The following NEDD9 variants were observed in gnomAD, a reference collection of about 807,000 sequenced individuals.
NEDD9 encodes the protein neural precursor cell expressed, developmentally down-regulated 9.
In NEDD9, 26 loss-of-function variants were observed where a neutral mutation model predicts 76.6. The observed-to-expected ratio is 0.34, with a 90% CI of 0.25 to 0.47. NEDD9 has a LOEUF of 0.47. Ranked by LOEUF, NEDD9 falls within the 20% of genes least tolerant of loss-of-function variation. The pLI, the probability that NEDD9 is intolerant of heterozygous loss-of-function variation, is 1.00. For missense variants in NEDD9, 937 were observed against 1,058.5 expected, an observed-to-expected ratio of 0.89 and a Z score of 1.59; for synonymous variants, 392 against 414.2, an observed-to-expected ratio of 0.95 and a Z score of 0.65.
intron 1 of NEDD9, among the ~76,000 whole-genome samples, chr6:11,361,885 T>G (rs1762686550): frequency 2.0e-5 from 3 of 152,116 alleles, no homozygotes; most frequent in African/African-American, 7.2e-5. Flanking sequence ...AGGTGGTATG[T>G]GAGCTGAGCC....
At chr6:11,233,144 T>TCG, upstream of NEDD9, 1 of 363,714 alleles carries the variant, frequency 2.7e-6, no homozygotes, top group Non-Finnish European at 5.6e-6. Context: ...TGCTGATACC[T>TCG]CTCTCTCTCT....
In NEDD9 at chr6:11,213,618, T is replaced by C. The variant is rs1450975748; in HGVS notation, c.122A>G (p.Glu41Gly). 6.2e-7 allele frequency: 1 copy of C among 1,614,162 alleles called. No individual in the cohort carries two copies. Among genetic ancestry groups the C allele is most frequent in the Non-Finnish European group, 8.5e-7 (1 of 1,180,026 alleles). Reference sequence around the variant, plus strand: ...GTGTAATGAGCACAGCCACCATCCTTCCAGTCCCCCTGTGTTCTGCTCTAT... The same window carrying C: ...GTGTAATGAGCACAGCCACCATCCTCCCAGTCCCCCTGTGTTCTGCTCTAT... ...TVIEQNTGGL[E>G]GWWLCSLHGR... Residue 41 changes from glutamate to glycine, a missense_variant, in exon 2 of 7, where the codon GAA becomes GGA. Transcript: ENST00000379446. This position sits in a 1 kb window ranked among gnomAD's most constrained non-coding sequence, Gnocchi z 5.4.
chr6:11,377,457 T>C (rs1308924060), intron 1 of NEDD9, among the ~76,000 whole-genome samples: 1 of 152,174 alleles, frequency 6.6e-6, no homozygotes, highest in Non-Finnish European at 1.5e-5. Flanking sequence ...TCAAAGGAGA[T>C]TGTATTTTGG....
At chr6:11,339,452 T>C (rs1295979239) in intron 1 of NEDD9, among the ~76,000 whole-genome samples, 3 of 152,182 alleles carry the variant, frequency 2.0e-5, no homozygotes, top group Non-Finnish European at 4.4e-5. Flanking sequence ...TTTTTCTACT[T>C]GAGGTAGTTA....
At chr6:11,358,227 C>T (rs1311564452) in intron 1 of NEDD9, among the ~76,000 whole-genome samples, 9 of 126,380 alleles carry the variant, frequency 7.1e-5, no homozygotes, top group African/African-American at 2.5e-4. Context: ...CCCAGCCTGG[C>T]GACAGAGCAA....
chr6:11,259,396 C>G (rs1385416692), intron 3 of NEDD9, among the ~76,000 whole-genome samples: 2 of 152,158 alleles, frequency 1.3e-5, no homozygotes, highest in Non-Finnish European at 2.9e-5. Flanking sequence ...TGGATTGTAT[C>G]CTTGGAAACA....
At chr6:11,200,531 A>G in intron 2 of NEDD9, 1 of 1,093,010 alleles carries the variant, frequency 9.1e-7, no homozygotes, top group South Asian at 2.5e-5. Flanking sequence ...TGTGATAAGA[A>G]TGTTATGTAT....
At chr6:11,232,343 G>C (rs1759497420) in intron 1 of NEDD9, among the ~76,000 whole-genome samples, 161 bp downstream of exon 1, 1 of 146,504 alleles carries the variant, frequency 6.8e-6, no homozygotes, top group Non-Finnish European at 1.5e-5. Flanking sequence ...CCGGGTCTCT[G>C]CTTGCTTGTC....
At chr6:11,292,478 C>T (rs1760800024) in intron 3 of NEDD9, among the ~76,000 whole-genome samples, 1 of 152,204 alleles carries the variant, frequency 6.6e-6, no homozygotes, top group Non-Finnish European at 1.5e-5. Flanking sequence ...AGTTAAACCT[C>T]CATCCAGACA....
intron 2 of NEDD9, among the ~76,000 whole-genome samples, chr6:11,326,400 C>G (rs540974588): frequency 2.1e-4 from 32 of 152,250 alleles, no homozygotes; most frequent in African/African-American, 6.7e-4. Flanking sequence ...TACTGATCTA[C>G]CAATTAAACA....
chr6:11,311,163 A>G (rs6457276), intron 2 of NEDD9, among the ~76,000 whole-genome samples: 119,265 of 152,096 alleles, frequency 0.78, 47,450 homozygotes, highest in African/African-American at 0.93. Context: ...GGGCAGGAGG[A>G]TTGAATTGTG....
intron 1 of NEDD9, among the ~76,000 whole-genome samples, chr6:11,377,906 A>G (rs1191497394): frequency 2.0e-5 from 3 of 152,082 alleles, no homozygotes; most frequent in Admixed American, 6.6e-5. Flanking sequence ...AACACCATCT[A>G]TCTGGTGATG....
At chr6:11,360,557 T>A (rs1000624484) in intron 1 of NEDD9, among the ~76,000 whole-genome samples, 2 of 70,810 alleles carry the variant, frequency 2.8e-5, no homozygotes, top group African/African-American at 7.2e-5. Flanking sequence ...TGAGTTCTCA[T>A]GAGATCTGGT....
At chr6:11,338,322 G>C (rs1762205406) in intron 1 of NEDD9, among the ~76,000 whole-genome samples, 1 of 152,142 alleles carries the variant, frequency 6.6e-6, no homozygotes, top group African/African-American at 2.4e-5. Context: ...AGTTAGGAGA[G>C]AGCCACAGGT....
Position 11,252,671 on chromosome 6 carries a change from A to T in NEDD9, c.13-38944T>A, listed in dbSNP as rs9295841. ...AAGCAAAGCATTATTATCCTAATCA[A>T]AGTTGAAAATGACAAATAGAGGACA... On this transcript the variant is annotated intron_variant, in intron 3 of 3. Coordinates refer to the NEDD9 transcript ENST00000397378. This position sits in a 1 kb window ranked among gnomAD's most constrained non-coding sequence, Gnocchi z 4.3. 0.05 allele frequency among the ~76,000 whole-genome samples: 7,648 copies of T among 152,254 alleles called. 290 individuals are homozygous for T. Among genetic ancestry groups the T allele is most frequent in the African/African-American group, 0.1 (4,300 of 41,538 alleles).
intron 1 of NEDD9, among the ~76,000 whole-genome samples, chr6:11,231,868 C>T (rs1387809100): frequency 1.3e-5 from 2 of 152,158 alleles, no homozygotes; most frequent in African/African-American, 2.4e-5. Flanking sequence ...CCTGAGCCTT[C>T]GCACTCTCAC....
At chr6:11,209,044 C>T (rs1042814330) in intron 2 of NEDD9, among the ~76,000 whole-genome samples, 3 of 152,228 alleles carry the variant, frequency 2.0e-5, no homozygotes, top group South Asian at 2.1e-4. Flanking sequence ...AACCATGATG[C>T]ATATTTAGAA....
chr6:11,208,402 T>C (rs1308840142), intron 2 of NEDD9, among the ~76,000 whole-genome samples: 1 of 152,204 alleles, frequency 6.6e-6, no homozygotes, highest in Admixed American at 6.5e-5. Context: ...GGGAAATGAC[T>C]GTATATAATC....
chr6:11,268,841 T>A (rs927818853), intron 3 of NEDD9, among the ~76,000 whole-genome samples: 1 of 152,144 alleles, frequency 6.6e-6, no homozygotes, highest in Non-Finnish European at 1.5e-5. Context: ...AACTATATCA[T>A]ATCCTAGGTT....
Sources: gnomAD v4.1 joint callset for allele counts (sites outside exome capture counted in the v4.1 genomes callset) on GRCh38, gnomAD v4.1.1 for gene constraint, Gnocchi (gnomAD v3.1) non-coding constraint, MANE v1.5 for transcripts, NCBI Gene and HGNC (gene_info 2026-07-23, HGNC 2026-07-21) for gene names.